Variants in ABCC1 observed in about 807,000 individuals in gnomAD.
ABCC1 encodes ATP binding cassette subfamily C member 1 (ABCC1 blood group).
Under a neutral mutation model 172.9 loss-of-function variants are expected in ABCC1, and 83 were observed. That is an observed-to-expected ratio of 0.48 (90% CI 0.40 to 0.58). ABCC1 has a LOEUF of 0.58. Ranked by LOEUF, ABCC1 falls within the 20% of genes least tolerant of loss-of-function variation. The pLI, the probability that ABCC1 is intolerant of heterozygous loss-of-function variation, is 0.00. For missense variants in ABCC1, 1,817 were observed against 2,002.7 expected (o/e 0.91, Z 1.77); for synonymous variants, 937 against 825.2 (o/e 1.14, Z -2.32).
At chr16:16,030,503 C>T (rs768977980) in intron 5 of ABCC1, among the ~76,000 whole-genome samples, 2 of 152,036 alleles carry the variant, frequency 1.3e-5, no homozygotes, top group African/African-American at 2.4e-5. Flanking sequence ...CCAGCCTGGG[C>T]GACAGAGCAA....
At position 16,034,639 on chromosome 16, in the gene ABCC1, G is replaced by C. The variant is rs1232352527; in HGVS notation, c.677+1469G>C. 2.2e-5 allele frequency among the ~76,000 whole-genome samples: 3 copies of C among 138,196 alleles called. No individual in the cohort carries two copies. The South Asian group carries it at 6.8e-4, about 32-fold the overall frequency. The allele number at this position is 138,196 out of a possible 152,430, so 90.7% of individuals were successfully genotyped here. A position where few individuals can be genotyped will look rare whatever the true frequency, so the allele number is the denominator to read the frequency against. On this transcript the variant is annotated intron_variant, in intron 6 of 30. Transcript: ENST00000399410. ...GTCTTGCTCTGTCATCCAGGGTGCAGTGCAGTGGCAGGACCTCAGCTCTCT... is the reference window on the plus strand; with the variant it reads ...GTCTTGCTCTGTCATCCAGGGTGCACTGCAGTGGCAGGACCTCAGCTCTCT...
chr16:16,114,983 C>A lies in ABCC1; in HGVS notation c.3297C>A (p.Phe1099Leu). The change falls in exon 23 of 31, where the codon TTC (phenylalanine) becomes TTA (leucine). Residue 1099 changes from phenylalanine (F) to leucine (L), a missense_variant. By Grantham distance (22) the Phe-to-Leu change is conservative (BLOSUM62 0). This residue lies in a region of ABCC1 where 1,412 missense variants were observed against 1,600.3 expected (regional missense o/e 0.88). Coordinates refer to ENST00000399410, the MANE Select transcript of ABCC1 (RefSeq NM_004996.4). Reference sequence around the variant, plus strand: ...TCAAGATGTTCATGGGCTCCCTGTTCAACGTCATTGGTGCCTGCATCGTTA... The same window carrying A: ...TCAAGATGTTCATGGGCTCCCTGTTAAACGTCATTGGTGCCTGCATCGTTA... ...EVIKMFMGSLFNVIGACIVIL... is the reference protein window; with the variant it reads ...EVIKMFMGSLLNVIGACIVIL... 2 of 1,614,200 alleles carry A rather than the reference C, an allele frequency of 1.2e-6. No homozygotes were observed. Among genetic ancestry groups the A allele is most frequent in the East Asian group, 4.5e-5 (2 of 44,882 alleles).
At chr16:15,969,914 G>C (rs139254721) in intron 1 of ABCC1, among the ~76,000 whole-genome samples, 3 of 152,242 alleles carry the variant, frequency 2.0e-5, no homozygotes, top group African/African-American at 7.2e-5. Flanking sequence ...GGTATACAGA[G>C]CATGGTTCCC....
At chr16:15,974,980 T>G (rs1307005484) in intron 1 of ABCC1, among the ~76,000 whole-genome samples, 2 of 151,876 alleles carry the variant, frequency 1.3e-5, no homozygotes, top group African/African-American at 4.8e-5. Flanking sequence ...AGAGACAGGG[T>G]TTCACCATGT....
chr16:16,085,197 G>A (rs1596476297), intron 17 of ABCC1, among the ~76,000 whole-genome samples: 1 of 152,236 alleles, frequency 6.6e-6, no homozygotes, highest in Non-Finnish European at 1.5e-5. Flanking sequence ...CTCCTGCTGT[G>A]CTCCATCTCC....
intron 19 of ABCC1, among the ~76,000 whole-genome samples, chr16:16,101,745 T>G (rs1273317521): frequency 6.6e-6 from 1 of 152,176 alleles, no homozygotes; most frequent in East Asian, 1.9e-4. Flanking sequence ...GGGAAAGAGA[T>G]ATGATCTGTG....
intron 11 of ABCC1, among the ~76,000 whole-genome samples, chr16:16,055,416 G>C (rs767035034): frequency 5.9e-5 from 9 of 152,000 alleles, no homozygotes; most frequent in African/African-American, 9.7e-5. Context: ...CAGGCGTGGT[G>C]GCAGGCGTTT....
At chr16:16,112,781 A>G (rs565224402) in intron 22 of ABCC1, among the ~76,000 whole-genome samples, 2 of 152,364 alleles carry the variant, frequency 1.3e-5, no homozygotes, top group South Asian at 4.1e-4. Flanking sequence ...GTCTTGACAC[A>G]TTTGAGTACT....
chr16:15,996,278 C>T (rs79763412), intron 1 of ABCC1, among the ~76,000 whole-genome samples: 72 of 152,228 alleles, frequency 4.7e-4, no homozygotes, highest in African/African-American at 1.3e-3. Context: ...CCCCTCCACC[C>T]GGCCAGCTAA....
rs1417480525 is a variant in ABCC1 at position 16,121,972 on chromosome 16, C to T, written c.3391-3C>T. Reference sequence around the variant, plus strand: ...AACTCCCCGCGTCTGTTCTCTACCCCAGAGGTTCTACGTGGCTTCCTCCCG... The same window carrying T: ...AACTCCCCGCGTCTGTTCTCTACCCTAGAGGTTCTACGTGGCTTCCTCCCG... On this transcript the variant is annotated splice_polypyrimidine_tract_variant and splice_region_variant and intron_variant, in intron 23 of 30. Coordinates refer to ENST00000399410, the MANE Select transcript of ABCC1 (RefSeq NM_004996.4). 5.6e-6 allele frequency: 9 copies of T among 1,614,062 alleles called. No homozygotes were observed. The highest frequency in any genetic ancestry group is 5.5e-5 in the South Asian group (5 of 91,084).
chr16:16,023,241 A>G (rs550078225), intron 5 of ABCC1, among the ~76,000 whole-genome samples: 11 of 152,276 alleles, frequency 7.2e-5, no homozygotes, highest in African/African-American at 2.4e-4. Context: ...TTCCTTCGAA[A>G]TATATTAGTA....
At chr16:16,025,718 G>C (rs535062565) in intron 5 of ABCC1, among the ~76,000 whole-genome samples, 1 of 152,272 alleles carries the variant, frequency 6.6e-6, no homozygotes, top group African/African-American at 2.4e-5. Context: ...CAAACCACAG[G>C]GTTTCTGGCC....
At chr16:16,127,916 GTTT>G (rs371440132) in intron 26 of ABCC1, among the ~76,000 whole-genome samples, 4 of 128,364 alleles carry the variant, frequency 3.1e-5, no homozygotes, top group Non-Finnish European at 3.3e-5. Context: ...ATTTCATTAG[GTTT>G]TTTTTTTTTT....
In ABCC1 at chr16:16,058,874, T is replaced by G. The variant is rs1471009534; in HGVS notation, c.1677+2579T>G. On this transcript the variant is annotated intron_variant, in intron 12 of 30. Coordinates refer to ENST00000399410, the MANE Select transcript of ABCC1 (RefSeq NM_004996.4). The stretch of plus-strand genomic sequence containing the variant: ...TTTCACCATGTTGGCCAGGCTGGTC[T>G]CGAACTCCTGACCTCAGGAGATCTA... 4.6e-5 allele frequency among the ~76,000 whole-genome samples: 7 copies of G among 151,312 alleles called. 1 individual carries two copies. In the South Asian group the frequency reaches 1.2e-3, roughly 27 times the overall value.
At chr16:16,111,286 A>G (rs4780593) in intron 21 of ABCC1, 89 bp from the exon 22 acceptor site, 579,192 of 1,046,890 alleles carry the variant, frequency 0.55, 163,922 homozygotes, top group East Asian at 0.75. Flanking sequence ...TGGGTGGCAC[A>G]GTGCTGGTGA....
rs188856639 is a variant in ABCC1 at position 16,068,330 on chromosome 16, G to A, written c.1824+28G>A. The A allele has an allele frequency of 9.4e-5, 151 of 1,611,812 alleles. No homozygotes were observed. The African/African-American group carries it at 1.5e-3, about 16-fold the overall frequency. On this transcript the variant is annotated intron_variant, in intron 13 of 30. Coordinates refer to ENST00000399410, the MANE Select transcript of ABCC1 (RefSeq NM_004996.4). ...ACAGGGGGAAGCTGGGGCGACTTCCGAGAGGGGGCCTTGGGGTTCTAGGCC... is the reference window on the plus strand; with the variant it reads ...ACAGGGGGAAGCTGGGGCGACTTCCAAGAGGGGGCCTTGGGGTTCTAGGCC...
intron 7 of ABCC1, 68 bp downstream of exon 7, chr16:16,036,671 C>T: frequency 7.8e-6 from 12 of 1,534,636 alleles, no homozygotes; most frequent in Non-Finnish European, 6.2e-6. Context: ...TGGCCTCAAT[C>T]CAGGATGGGG....
chr16:16,104,955 C>T (rs1377680555), intron 20 of ABCC1, among the ~76,000 whole-genome samples: 1 of 152,212 alleles, frequency 6.6e-6, no homozygotes, highest in South Asian at 2.1e-4. Context: ...CCACCCAGAA[C>T]TAGCGCTGGC....
At position 16,014,595 on chromosome 16, in the gene ABCC1, C is replaced by G. The variant is rs1344444021; in HGVS notation, c.456C>G (p.Ile152Met). Residue 152 changes from isoleucine (I) to methionine (M), a missense_variant, in exon 4 of 31, where the codon ATC becomes ATG. This residue lies in a region of ABCC1 where 398 missense variants were observed against 384.2 expected (regional missense o/e 1.04). Coordinates refer to ENST00000399410, the MANE Select transcript of ABCC1 (RefSeq NM_004996.4). ...TAGCCCTAGTGTGTGCCCTAGCCAT[C>G]CTGAGATCCAAAATTATGACAGCCT... The part of the protein sequence containing the change: ...WLVALVCALA[I>M]LRSKIMTALK... 2 of 1,613,984 alleles carry G rather than the reference C, an allele frequency of 1.2e-6. No homozygotes were observed. The highest frequency in any genetic ancestry group is 1.7e-6 in the Non-Finnish European group (2 of 1,180,002).
Sources: allele counts gnomAD v4.1 joint callset (sites outside exome capture counted in the v4.1 genomes callset), GRCh38; gene constraint gnomAD v4.1.1; regional missense constraint gnomAD v4.1.1; transcripts MANE v1.5; gene names NCBI Gene and HGNC (gene_info 2026-07-23, HGNC 2026-07-21).